Variants in ERBIN observed in about 807,000 individuals in gnomAD.
ERBIN encodes the protein erbb2 interacting protein.
In ERBIN, 60 loss-of-function variants were observed where a neutral mutation model predicts 158.4. That is an observed-to-expected ratio of 0.38 (90% CI 0.31 to 0.47). ERBIN has a LOEUF of 0.47. Among genes scored for constraint, ERBIN ranks in the 20% least tolerant of loss-of-function variants. The probability of loss-of-function intolerance (pLI) is 0.99; values close to 1 mark genes in which losing one functional copy is unlikely to be tolerated. For synonymous variants in ERBIN, 594 were observed against 557.2 expected (o/e 1.07, Z -0.93); for missense variants, 1,610 against 1,648.0 (o/e 0.98, Z 0.40).
intron 5 of ERBIN, among the ~76,000 whole-genome samples, chr5:66,012,329 A>G (rs534795473): frequency 3.4e-4 from 52 of 152,304 alleles, no homozygotes; most frequent in Non-Finnish European, 5.6e-4. Context: ...TCCCAAAGAG[A>G]TAGTGAGAGT....
At chr5:66,058,124 T>C (rs1472215700) in intron 21 of ERBIN, among the ~76,000 whole-genome samples, 2 of 152,068 alleles carry the variant, frequency 1.3e-5, no homozygotes, top group South Asian at 2.1e-4. Context: ...ACTTCCACAA[T>C]GGTTGAACTA....
chr5:65,995,090 G>T (rs1394215207), intron 4 of ERBIN, among the ~76,000 whole-genome samples: 1 of 152,164 alleles, frequency 6.6e-6, no homozygotes, highest in Non-Finnish European at 1.5e-5. Context: ...CCTTGGCTTA[G>T]AATTTGTTTA....
At chr5:65,933,086 C>G (rs979789500) in intron 1 of ERBIN, among the ~76,000 whole-genome samples, 1 of 152,228 alleles carries the variant, frequency 6.6e-6, no homozygotes, top group Non-Finnish European at 1.5e-5. Context: ...GCCGCTGCAC[C>G]TGGCCCAATT....
chr5:66,029,579 C>T (rs1485560494), intron 14 of ERBIN, among the ~76,000 whole-genome samples: 1 of 151,946 alleles, frequency 6.6e-6, no homozygotes, highest in Admixed American at 6.6e-5. Context: ...TCTGTCCTGT[C>T]CTGTCCTGTC....
At chr5:65,993,825 A>T (rs535567421) in intron 3 of ERBIN, among the ~76,000 whole-genome samples, 1 of 152,286 alleles carries the variant, frequency 6.6e-6, no homozygotes, top group Non-Finnish European at 1.5e-5. Flanking sequence ...TGTGTCCCAT[A>T]AAACTGTGGG....
rs200401328 is a variant in ERBIN at position 65,951,225 on chromosome 5, T to TA, written c.-58+24419_-58+24420insA. Among the ~76,000 whole-genome samples, 783 of 152,312 alleles carry TA rather than the reference T, an allele frequency of 5.1e-3. 9 individuals carry two copies. The highest frequency in any genetic ancestry group is 0.016 in the African/African-American group (672 of 41,556). On this transcript the variant is annotated intron_variant, in intron 1 of 25. Coordinates refer to ENST00000284037, the MANE Select transcript of ERBIN (RefSeq NM_001253697.2). ...CCTCTTAAGTATTTTTCACATCTTT[T>TA]TCCCTCTCTGGCAGTTTACCTTATT... is the stretch of plus-strand genomic sequence containing the variant.
At chr5:66,070,288 C>A (rs2151294891) in intron 21 of ERBIN, among the ~76,000 whole-genome samples, 1 of 152,218 alleles carries the variant, frequency 6.6e-6, no homozygotes, top group South Asian at 2.1e-4. Flanking sequence ...GATGATCTGC[C>A]CGCCTCAGCC....
At chr5:65,946,916 A>G (rs1014136632) in intron 1 of ERBIN, among the ~76,000 whole-genome samples, 1 of 151,146 alleles carries the variant, frequency 6.6e-6, no homozygotes, top group Non-Finnish European at 1.5e-5. Context: ...GCTATTCAAC[A>G]TCTATATTCT....
intron 7 of ERBIN, among the ~76,000 whole-genome samples, chr5:66,016,693 A>T (rs1580357393): frequency 6.8e-6 from 1 of 147,278 alleles, no homozygotes; most frequent in South Asian, 2.2e-4. Flanking sequence ...GGTTCACTGC[A>T]CCCTCCGCCC....
intron 4 of ERBIN, among the ~76,000 whole-genome samples, chr5:66,003,825 A>AAG (rs1190226809): frequency 6.6e-6 from 1 of 152,022 alleles, no homozygotes; most frequent in Non-Finnish European, 1.5e-5. Flanking sequence ...CTCAGAAGTA[A>AAG]AGAGAGAGAG....
rs1756234338 is a variant in ERBIN, at chr5:66,026,211, A to G, written c.1021-91A>G. ...ATTATTTCTTCTATAAATGTGAAGTATTTTTCATAACTTTCAAAAATGATG... is the reference window on the plus strand; with the variant it reads ...ATTATTTCTTCTATAAATGTGAAGTGTTTTTCATAACTTTCAAAAATGATG... On this transcript the variant is annotated intron_variant, in intron 12 of 25. Transcript: ENST00000284037. 3.6e-6 allele frequency: 3 copies of G among 830,300 alleles called. No homozygotes were observed. The South Asian group carries it at 6.5e-5, about 18-fold the overall frequency. 51.4% of individuals were successfully genotyped at this position (830,300 alleles called of 1,614,324 possible).
In ERBIN at chr5:66,072,172, C is replaced by T. The variant is rs1158846468; in HGVS notation, c.3637C>T (p.His1213Tyr). ...CTTTTTATTTCCTGCTCATTAGAAG[C>T]ATCCCCAGACATCCAGTTCAGGAGA... is the stretch of plus-strand genomic sequence containing the variant. The part of the protein sequence containing the change: ...HIEAKKLEKK[H>Y]PQTSSSGDPC... Residue 1213 changes from histidine (H) to tyrosine (Y), a missense_variant, in exon 22 of 26, where the codon CAT becomes TAT. His to Tyr is a moderately conservative substitution (Grantham distance 83). Around this residue, in one of 2 missense-constraint regions of ERBIN, gnomAD observed 1,014 missense variants for 936.1 expected, o/e 1.08. Coordinates refer to ENST00000284037, the MANE Select transcript of ERBIN (RefSeq NM_001253697.2). 57 of 1,548,786 alleles carry T rather than the reference C, an allele frequency of 3.7e-5. No individual in the cohort carries two copies. Among genetic ancestry groups the T allele is most frequent in the Non-Finnish European group, 4.6e-5 (53 of 1,146,252 alleles).
At chr5:66,002,903 T>C (rs1753149011) in intron 4 of ERBIN, among the ~76,000 whole-genome samples, 1 of 152,196 alleles carries the variant, frequency 6.6e-6, no homozygotes, top group South Asian at 2.1e-4. Context: ...TTTAAGATAA[T>C]GAAAGAAGGA....
rs12110097 is a variant in ERBIN, at chr5:66,044,072, A to C, written c.1429-65A>C. Reference sequence around the variant, plus strand: ...TGTAATTCAGATGGGTTACAGATTAAATTTTGTTTGAGATTGACATTAGAA... The same window carrying C: ...TGTAATTCAGATGGGTTACAGATTACATTTTGTTTGAGATTGACATTAGAA... On this transcript the variant is annotated intron_variant, in intron 16 of 25. Transcript: ENST00000284037. 3.6e-3 allele frequency: 4,416 copies of C among 1,225,028 alleles called. 122 individuals carry two copies. In the African/African-American group the frequency reaches 0.061, roughly 17 times the overall value. 75.9% of individuals were successfully genotyped at this position (1,225,028 alleles called of 1,614,324 possible). A position where few individuals can be genotyped will look rare whatever the true frequency, so the allele number is the denominator to read the frequency against.
intron 1 of ERBIN, among the ~76,000 whole-genome samples, chr5:65,954,203 C>T (rs776928408): frequency 1.3e-5 from 2 of 152,072 alleles, no homozygotes; most frequent in Non-Finnish European, 1.5e-5. Context: ...CCTCTCACCC[C>T]CAGATTGTTC....
intron 15 of ERBIN, among the ~76,000 whole-genome samples, chr5:66,040,213 G>C (rs1361929544): frequency 6.6e-6 from 1 of 151,668 alleles, no homozygotes; most frequent in Non-Finnish European, 1.5e-5. Flanking sequence ...ATATTTATTT[G>C]ACCCTTTATA....
intron 1 of ERBIN, among the ~76,000 whole-genome samples, chr5:65,927,297 TA>T (rs1214502645): frequency 6.6e-6 from 1 of 152,226 alleles, no homozygotes; most frequent in Non-Finnish European, 1.5e-5. Flanking sequence ...TATTTATTTT[TA>T]TTTTTTTATT....
chr5:66,067,596 G>C (rs963875619), intron 21 of ERBIN, among the ~76,000 whole-genome samples: 3 of 152,180 alleles, frequency 2.0e-5, no homozygotes, highest in Non-Finnish European at 4.4e-5. Context: ...TATGAATTCA[G>C]TTTGTGAGAG....
intron 15 of ERBIN, among the ~76,000 whole-genome samples, chr5:66,040,227 A>G (rs527925113): frequency 9.3e-4 from 141 of 152,038 alleles, no homozygotes; most frequent in East Asian, 1.9e-3. Flanking sequence ...CTTTATAGAA[A>G]AAGTTTACTC....
Sources: allele counts gnomAD v4.1 joint callset (sites outside exome capture counted in the v4.1 genomes callset), GRCh38; gene constraint gnomAD v4.1.1; regional missense constraint gnomAD v4.1.1; transcripts MANE v1.5; gene names NCBI Gene and HGNC (gene_info 2026-07-23, HGNC 2026-07-21).